The following ITGBL1 variants were observed in gnomAD, a reference collection of about 807,000 sequenced individuals.
The protein encoded by ITGBL1 is integrin subunit beta like 1, also known as integrin beta-like protein 1.
Under a neutral mutation model 68.5 loss-of-function variants are expected in ITGBL1, and 51 were observed. That is an observed-to-expected ratio of 0.74 (90% CI 0.59 to 0.94). The LOEUF (loss-of-function observed/expected upper bound fraction) is 0.94. Among genes scored for constraint, ITGBL1 ranks in the 40% least tolerant of loss-of-function variants. The probability of loss-of-function intolerance (pLI) is 0.00; values close to 1 mark genes in which losing one functional copy is unlikely to be tolerated. For missense variants in ITGBL1, 649 were observed against 647.4 expected (o/e 1.00, Z -0.03); for synonymous variants, 209 against 227.3 (o/e 0.92, Z 0.72).
chr13:101,562,313 A>C (rs192296398), intron 2 of ITGBL1, among the ~76,000 whole-genome samples: 32 of 152,208 alleles, frequency 2.1e-4, no homozygotes, highest in African/African-American at 7.0e-4. Flanking sequence ...AAAATTGCTT[A>C]GAAAGTTGGT....
intron 6 of ITGBL1, among the ~76,000 whole-genome samples, chr13:101,597,192 G>A (rs906609391): frequency 2.0e-5 from 3 of 152,186 alleles, no homozygotes; most frequent in African/African-American, 7.2e-5. Flanking sequence ...GAATATCTCC[G>A]CATCTCTCTC....
chr13:101,515,176 T>C (rs572969408), intron 2 of ITGBL1, among the ~76,000 whole-genome samples: 15 of 152,254 alleles, frequency 9.9e-5, no homozygotes, highest in African/African-American at 3.4e-4. Flanking sequence ...AATACTTAAT[T>C]GGTGATTCCA....
At chr13:101,494,328 T>A (rs2048824147) in intron 2 of ITGBL1, among the ~76,000 whole-genome samples, 1 of 152,236 alleles carries the variant, frequency 6.6e-6, no homozygotes. Flanking sequence ...GGTGACCATT[T>A]ATTCTTCAGA....
chr13:101,567,136 T>G (rs1275680191), intron 2 of ITGBL1, among the ~76,000 whole-genome samples: 1 of 152,176 alleles, frequency 6.6e-6, no homozygotes, highest in East Asian at 1.9e-4. Flanking sequence ...CATTAAAGAT[T>G]GAGAAATTTA....
intron 2 of ITGBL1, among the ~76,000 whole-genome samples, chr13:101,469,074 C>G (rs948687874): frequency 4.6e-5 from 7 of 152,192 alleles, no homozygotes; most frequent in African/African-American, 1.2e-4. Flanking sequence ...TAAGTCACAT[C>G]AGAGATTCTC....
chr13:101,685,222 A>G (rs1289899820), intron 7 of ITGBL1, among the ~76,000 whole-genome samples: 3 of 152,026 alleles, frequency 2.0e-5, no homozygotes, highest in Non-Finnish European at 4.4e-5. Flanking sequence ...TTTAAAAATT[A>G]TAAGTCTTCT....
intron 2 of ITGBL1, among the ~76,000 whole-genome samples, chr13:101,500,074 C>A (rs572876218): frequency 1.3e-5 from 2 of 152,288 alleles, no homozygotes; most frequent in South Asian, 4.1e-4. Flanking sequence ...GGCCACTCGA[C>A]CCTTGCATTT....
intron 2 of ITGBL1, among the ~76,000 whole-genome samples, chr13:101,532,148 A>C (rs532719401): frequency 1.1e-4 from 16 of 152,280 alleles, no homozygotes; most frequent in Admixed American, 9.8e-4. Flanking sequence ...ATTTCTTAGA[A>C]GTTATTTATT....
intron 9 of ITGBL1, among the ~76,000 whole-genome samples, chr13:101,708,114 T>C (rs536315645): frequency 6.6e-6 from 1 of 151,804 alleles, no homozygotes; most frequent in East Asian, 1.9e-4. Flanking sequence ...AGAATGCTAA[T>C]AGATTAAATT....
At chr13:101,619,177 G>A (rs370130319) in intron 7 of ITGBL1, among the ~76,000 whole-genome samples, 1 of 151,996 alleles carries the variant, frequency 6.6e-6, no homozygotes, top group South Asian at 2.1e-4. Flanking sequence ...AGCACAACAG[G>A]ACAAAATAAT....
intron 2 of ITGBL1, among the ~76,000 whole-genome samples, chr13:101,545,479 G>C (rs911859667): frequency 6.6e-6 from 1 of 152,024 alleles, no homozygotes; most frequent in South Asian, 2.1e-4. Flanking sequence ...TTGCTGAAGA[G>C]AACAGAAAAC....
At chr13:101,716,791 C>CAAAAA (rs35542915), downstream of ITGBL1, 2 of 141,236 alleles carry the variant, frequency 1.4e-5, no homozygotes, top group East Asian at 2.1e-4. Flanking sequence ...CACAAAAGAC[C>CAAAAA]AAAAAAAAAA....
At chr13:101,617,404 G>C (rs949983462) in intron 7 of ITGBL1, among the ~76,000 whole-genome samples, 19 of 152,028 alleles carry the variant, frequency 1.2e-4, no homozygotes, top group Non-Finnish European at 8.8e-5. Flanking sequence ...TCAGAAGACA[G>C]TGATCTTTGT....
chr13:101,567,704 G>A lies in ITGBL1; in HGVS notation c.322G>A (p.Gly108Ser). The part of the protein sequence containing the change: ...TYDGSTCAGH[G>S]KCDCGKCKCD... ...AGATGTTGTTCAATCCCCAGGCCAT[G>A]GTAAGTGTGACTGTGGCAAGTGCAA... Residue 108 changes from glycine (G) to serine (S), a missense_variant, in exon 3 of 11, where the codon GGT becomes AGT. Coordinates refer to ENST00000376180, the MANE Select transcript of ITGBL1 (RefSeq NM_004791.3). 1 of 1,612,732 alleles carries A rather than the reference G, an allele frequency of 6.2e-7. No individual in the cohort carries two copies.
intron 2 of ITGBL1, among the ~76,000 whole-genome samples, chr13:101,554,116 T>C (rs899767646): frequency 1.3e-5 from 2 of 152,118 alleles, no homozygotes; most frequent in African/African-American, 4.8e-5. Flanking sequence ...TCATATCAGA[T>C]TAAGGGCCCA....
chr13:101,481,002 A>ATGTGTG (rs71121195), intron 2 of ITGBL1, among the ~76,000 whole-genome samples: 188 of 143,314 alleles, frequency 1.3e-3, no homozygotes, highest in Admixed American at 4.9e-3. Context: ...GCCAAAAGAT[A>ATGTGTG]TGTGTGTGTG....
chr13:101,477,949 A>C (rs1042140933), intron 2 of ITGBL1, among the ~76,000 whole-genome samples: 1 of 152,040 alleles, frequency 6.6e-6, no homozygotes, highest in East Asian at 1.9e-4. Flanking sequence ...TATTTCAAAA[A>C]ATGGAGGAGG....
chr13:101,513,266 A>G (rs972781809), intron 2 of ITGBL1, among the ~76,000 whole-genome samples: 2 of 152,074 alleles, frequency 1.3e-5, no homozygotes, highest in Non-Finnish European at 2.9e-5. Context: ...ATAGTATGTA[A>G]CAAATGCCTC....
At chr13:101,567,211 T>C (rs995336561) in intron 2 of ITGBL1, among the ~76,000 whole-genome samples, 4 of 152,168 alleles carry the variant, frequency 2.6e-5, no homozygotes, top group Non-Finnish European at 5.9e-5. Flanking sequence ...CTGAAGTTGG[T>C]ATTTAATATA....
Sources: gnomAD v4.1 joint callset for allele counts (sites outside exome capture counted in the v4.1 genomes callset) on GRCh38, gnomAD v4.1.1 for gene constraint, MANE v1.5 for transcripts, NCBI Gene and HGNC (gene_info 2026-07-23, HGNC 2026-07-21) for gene names.